Variants in MAP2 observed in about 807,000 individuals in gnomAD.
MAP2 encodes the protein microtubule-associated protein 2.
Under a neutral mutation model 137.6 loss-of-function variants are expected in MAP2, and 14 were observed. The ratio of observed to expected loss-of-function variants is 0.10; its 90% CI spans 0.07 to 0.16. The LOEUF (loss-of-function observed/expected upper bound fraction) is 0.16, where lower values mean the gene tolerates loss of function less well. Among genes scored for constraint, MAP2 ranks in the 10% least tolerant of loss-of-function variants. The pLI is 1.00. For synonymous variants in MAP2, 786 were observed against 782.3 expected (o/e 1.00, Z -0.08); for missense variants, 2,088 against 2,191.5 (o/e 0.95, Z 0.94).
chr2:209,426,733 A>G (rs1294044966), intron 1 of MAP2, among the ~76,000 whole-genome samples: 1 of 152,144 alleles, frequency 6.6e-6, no homozygotes, highest in Non-Finnish European at 1.5e-5. Flanking sequence ...GGTTAAAGGG[A>G]TATTTTCTCT....
chr2:209,592,544 G>C (rs2079546855), intron 3 of MAP2, among the ~76,000 whole-genome samples: 2 of 152,106 alleles, frequency 1.3e-5, no homozygotes, highest in Non-Finnish European at 2.9e-5. Flanking sequence ...ACTTATACTT[G>C]ATTGATAATT....
chr2:209,506,878 C>G (rs538512319), intron 1 of MAP2, among the ~76,000 whole-genome samples: 1 of 152,254 alleles, frequency 6.6e-6, no homozygotes, highest in Non-Finnish European at 1.5e-5. Context: ...GCAGACTGTT[C>G]TAACAAACAT....
chr2:209,617,712 C>A (rs1272913165), intron 3 of MAP2, among the ~76,000 whole-genome samples: 1 of 151,998 alleles, frequency 6.6e-6, no homozygotes, highest in Non-Finnish European at 1.5e-5. Flanking sequence ...ACCTTAATCA[C>A]CTCCCTAAAG....
chr2:209,523,021 C>T (rs1045896961), intron 2 of MAP2, among the ~76,000 whole-genome samples: 8 of 152,280 alleles, frequency 5.3e-5, no homozygotes, highest in African/African-American at 1.9e-4. Flanking sequence ...AAATTAAAAT[C>T]TGACATTTGC....
At chr2:209,471,473 AG>A (rs1253308940) in intron 1 of MAP2, among the ~76,000 whole-genome samples, 1 of 152,194 alleles carries the variant, frequency 6.6e-6, no homozygotes, top group Non-Finnish European at 1.5e-5. Context: ...AGGTGCTGCT[AG>A]GGTAAGGGAG....
chr2:209,695,190 C>A lies in MAP2; in HGVS notation c.3020C>A (p.Pro1007Gln), dbSNP rs762578429. The A allele has an allele frequency of 6.2e-7, 1 of 1,613,938 alleles. No individual in the cohort carries two copies. The highest frequency in any genetic ancestry group is 8.5e-7 in the Non-Finnish European group (1 of 1,180,018). ...GCTTTGGCCAAAGATTTGTCAATACCAACAGATGCATCCTCTGAGAAAGCA... is the reference window on the plus strand; with the variant it reads ...GCTTTGGCCAAAGATTTGTCAATACAAACAGATGCATCCTCTGAGAAAGCA... ...EQALAKDLSI[P>Q]TDASSEKAEK... is the part of the protein sequence containing the mutation. Residue 1007 changes from proline (P) to glutamine (Q), a missense_variant, in exon 8 of 16, where the codon CCA (proline) becomes CAA (glutamine). Around this residue, in one of 6 missense-constraint regions of MAP2, gnomAD observed 500 missense variants for 482.9 expected, o/e 1.04. Coordinates refer to ENST00000682079, the MANE Select transcript of MAP2 (RefSeq NM_001375505.1).
At chr2:209,487,107 T>A (rs894653668) in intron 1 of MAP2, among the ~76,000 whole-genome samples, 1 of 152,208 alleles carries the variant, frequency 6.6e-6, no homozygotes, top group East Asian at 1.9e-4. Context: ...AGGTCTGAAG[T>A]CAATTCTCAT....
intron 1 of MAP2, among the ~76,000 whole-genome samples, chr2:209,492,198 A>G (rs899550444): frequency 2.6e-5 from 4 of 152,204 alleles, no homozygotes; most frequent in African/African-American, 9.6e-5. Flanking sequence ...ACACATGATT[A>G]TCTCAATGGA....
chr2:209,626,265 A>G (rs2092304611), intron 4 of MAP2, among the ~76,000 whole-genome samples: 2 of 152,076 alleles, frequency 1.3e-5, no homozygotes, highest in African/African-American at 4.8e-5. Flanking sequence ...AATACAAAAA[A>G]TTAGCCAGGT....
chr2:209,449,655 C>G (rs1699890061), intron 1 of MAP2, among the ~76,000 whole-genome samples: 1 of 152,008 alleles, frequency 6.6e-6, no homozygotes, highest in African/African-American at 2.4e-5. Context: ...GGCTTAATAT[C>G]TCAAAGAAAA....
chr2:209,696,728 A>G lies in MAP2; in HGVS notation c.4367A>G (p.Asp1456Gly). 6.2e-7 allele frequency: 1 copy of G among 1,607,092 alleles called. No homozygotes were observed. Among genetic ancestry groups the G allele is most frequent in the Non-Finnish European group, 8.5e-7 (1 of 1,178,334 alleles). ...AKKEPSTVSR[D>G]EVRRKKAVYK... ...AAGGAACCTAGCACAGTCTCCAGAG[A>G]TGAAGTGAGAAGGAAAAAAGGTTCA... The change falls in exon 9 of 16, where the codon GAT becomes GGT. Residue 1456 changes from aspartate to glycine, a missense_variant. This residue lies in a region of MAP2 where 591 missense variants were observed against 642.6 expected (regional missense o/e 0.92). Coordinates refer to ENST00000682079, the MANE Select transcript of MAP2 (RefSeq NM_001375505.1).
At chr2:209,589,244 A>G (rs2078603395) in intron 3 of MAP2, among the ~76,000 whole-genome samples, 2 of 152,180 alleles carry the variant, frequency 1.3e-5, no homozygotes, top group Admixed American at 1.3e-4. Flanking sequence ...AAAGCTCACA[A>G]CGGTCTTTGG....
At position 209,657,537 on chromosome 2, in the gene MAP2, A is replaced by C. The variant is rs1317099208; in HGVS notation, c.262+4105A>C. Among the ~76,000 whole-genome samples the C allele has an allele frequency of 2.6e-5, 4 of 152,010 alleles. No individual in the cohort carries two copies. The East Asian group carries it at 7.7e-4, about 29-fold the overall frequency. On this transcript the variant is annotated intron_variant, in intron 5 of 15. Transcript: ENST00000682079. ...ATTTCCGTGATGATTAGTGATGTTG[A>C]GCATTTTTTTTCATATACCTATTTG...
At chr2:209,436,029 T>TAAAGTATATATTATATATA in intron 1 of MAP2, among the ~76,000 whole-genome samples, 2 of 142,072 alleles carry the variant, frequency 1.4e-5, no homozygotes, top group Non-Finnish European at 3.0e-5. Flanking sequence ...ATATAAAATA[T>TAAAGTATATATTATATATA]ATATATATGT....
rs1454315760 is a variant in MAP2, at chr2:209,692,576, T to C, written c.455-49T>C. Reference sequence around the variant, plus strand: ...AAAATATAATTTTAAGCTTATTTCCTGAACGCACTTGCCTATTATTTGTTT... The same window carrying C: ...AAAATATAATTTTAAGCTTATTTCCCGAACGCACTTGCCTATTATTTGTTT... On this transcript the variant is annotated intron_variant, in intron 7 of 15. Transcript: ENST00000682079. 5 of 1,512,328 alleles carry C rather than the reference T, an allele frequency of 3.3e-6. No individual in the cohort carries two copies. The African/African-American group carries it at 7.0e-5, about 21-fold the overall frequency. The allele number at this position is 1,512,328 out of a possible 1,614,324, so 93.7% of individuals were successfully genotyped here.
chr2:209,505,566 G>A (rs1288385169), intron 1 of MAP2, among the ~76,000 whole-genome samples: 1 of 152,120 alleles, frequency 6.6e-6, no homozygotes, highest in Non-Finnish European at 1.5e-5. Context: ...TAACATCATT[G>A]AAAGGAATGT....
At chr2:209,659,162 A>G (rs539438912) in intron 5 of MAP2, among the ~76,000 whole-genome samples, 1 of 152,254 alleles carries the variant, frequency 6.6e-6, no homozygotes, top group South Asian at 2.1e-4. Context: ...AAGAAGTGGT[A>G]TGGATTTTTT....
At chr2:209,669,790 C>T (rs1006522845) in intron 5 of MAP2, among the ~76,000 whole-genome samples, 2 of 151,738 alleles carry the variant, frequency 1.3e-5, no homozygotes, top group African/African-American at 2.4e-5. Flanking sequence ...CACACACACA[C>T]GCACACACAC....
At chr2:209,724,101 G>T (rs1171098616) in intron 13 of MAP2, among the ~76,000 whole-genome samples, 1 of 152,132 alleles carries the variant, frequency 6.6e-6, no homozygotes, top group African/African-American at 2.4e-5. Context: ...TGATATACTT[G>T]TAAATGCCCA....
Sources: allele counts gnomAD v4.1 joint callset (sites outside exome capture counted in the v4.1 genomes callset), GRCh38; gene constraint gnomAD v4.1.1; regional missense constraint gnomAD v4.1.1; transcripts MANE v1.5; gene names NCBI Gene and HGNC (gene_info 2026-07-23, HGNC 2026-07-21).